NF1: variants seen among roughly 807,000 people sequenced by gnomAD.
NF1 encodes the protein neurofibromin 1.
Under a neutral mutation model 325.7 loss-of-function variants are expected in NF1, and 122 were observed. That is an observed-to-expected ratio of 0.37 (90% CI 0.32 to 0.44). The LOEUF is 0.44. Ranked by LOEUF, NF1 falls within the 20% of genes least tolerant of loss-of-function variation. The pLI, the probability that NF1 is intolerant of heterozygous loss-of-function variation, is 1.00. For missense variants in NF1, 2,140 were observed against 3,415.4 expected (o/e 0.63, Z 9.31); for synonymous variants, 1,091 against 1,186.0 (o/e 0.92, Z 1.65).
chr17:31,173,813 C>T (rs943883233), intron 5 of NF1, among the ~76,000 whole-genome samples: 4 of 152,116 alleles, frequency 2.6e-5, no homozygotes, highest in African/African-American at 9.7e-5. Context: ...CAACAAGAAA[C>T]TTGTAGAACT....
chr17:31,306,554 CA>C (rs1218993906), intron 36 of NF1, among the ~76,000 whole-genome samples: 3 of 152,152 alleles, frequency 2.0e-5, no homozygotes, highest in Non-Finnish European at 4.4e-5. Context: ...TTCTTAGGCA[CA>C]GAGTCTATTA....
Position 31,114,727 on chromosome 17 carries a change from G to A in NF1, c.60+19358G>A, listed in dbSNP as rs189071978. Among the ~76,000 whole-genome samples, 271 of 150,846 alleles carry A rather than the reference G, an allele frequency of 1.8e-3. 1 individual carries two copies. Among genetic ancestry groups the A allele is most frequent in the African/African-American group, 6.2e-3 (253 of 41,058 alleles). ...ATATTAGCTGGGCGTGGTGGCAGGCGCCTGTAATCCCAGCTACTTGGGAGG... is the reference window on the plus strand; with the variant it reads ...ATATTAGCTGGGCGTGGTGGCAGGCACCTGTAATCCCAGCTACTTGGGAGG... On this transcript the variant is annotated intron_variant, in intron 1 of 57. Coordinates refer to ENST00000358273, the MANE Select transcript of NF1 (RefSeq NM_001042492.3).
At chr17:31,131,163 A>T (rs1915356230) in intron 1 of NF1, among the ~76,000 whole-genome samples, 1 of 152,062 alleles carries the variant, frequency 6.6e-6, no homozygotes, top group South Asian at 2.1e-4. Flanking sequence ...GGGGATGGGC[A>T]CTCCTGGCCC....
In NF1 at chr17:31,235,964, G is replaced by A. The variant is rs1306237220; in HGVS notation, c.3917G>A (p.Arg1306Gln). 4 of 1,613,804 alleles carry A rather than the reference G, an allele frequency of 2.5e-6. No homozygotes were observed. Among genetic ancestry groups the A allele is most frequent in the Non-Finnish European group, 3.4e-6 (4 of 1,179,950 alleles). ...YLQKLLDPLL[R>Q]IVITSSDWQH... ...CAAAAACTCCTGGATCCTTTATTAC[G>A]AATTGTGATCACATCCTCTGATTGG... is the stretch of plus-strand genomic sequence containing the variant. The change falls in exon 29 of 58, where the codon CGA (arginine) becomes CAA (glutamine). Residue 1306 changes from arginine (R) to glutamine (Q), a missense_variant. Transcript: ENST00000358273.
At chr17:31,355,309 G>A (rs2151580109) in intron 51 of NF1, among the ~76,000 whole-genome samples, 1 of 152,190 alleles carries the variant, frequency 6.6e-6, no homozygotes, top group African/African-American at 2.4e-5. Context: ...TTTCCATCTG[G>A]TCATTGTCTA....
Position 31,358,564 on chromosome 17 carries a change from G to A in NF1, c.8055G>A (p.Val2685=), listed in dbSNP as rs1245392693. The A allele has an allele frequency of 6.2e-7, 1 of 1,613,864 alleles. No homozygotes were observed. The highest frequency in any genetic ancestry group is 8.5e-7 in the Non-Finnish European group (1 of 1,179,888). The change falls in exon 55 of 58, where the codon GTG becomes GTA. Residue 2685 remains valine, a synonymous_variant. Coordinates refer to ENST00000358273, the MANE Select transcript of NF1 (RefSeq NM_001042492.3). Reference sequence around the variant, plus strand: ...TGTTAAATCCAATCCATGGAATTGTGCAGAGTGTGGTGTACCATGAAGAAT... The same window carrying A: ...TGTTAAATCCAATCCATGGAATTGTACAGAGTGTGGTGTACCATGAAGAAT... ...PNLLNPIHGI[V]QSVVYHEESP... is the part of the protein sequence containing the mutation.
chr17:31,358,289 A>C (rs2070319822), intron 54 of NF1, 191 bp from the exon 55 acceptor site: 1 of 617,636 alleles, frequency 1.6e-6, no homozygotes. Context: ...AAAGACAAAC[A>C]AAAACAGACA....
Position 31,349,132 on chromosome 17 carries a change from C to A in NF1, c.7202C>A (p.Pro2401His). 1 of 1,597,580 alleles carries A rather than the reference C, an allele frequency of 6.3e-7. No homozygotes were observed. Among genetic ancestry groups the A allele is most frequent in the South Asian group, 1.1e-5 (1 of 88,816 alleles). ...VGHLLKGYRH[P>H]SPAIVARTVR... ...TTGTTTTTTGTAGGGTACAGGCATCCTTCACCTGCTATTGTTGCAAGAACA... is the reference window on the plus strand; with the variant it reads ...TTGTTTTTTGTAGGGTACAGGCATCATTCACCTGCTATTGTTGCAAGAACA... Residue 2401 changes from proline (P) to histidine (H), a missense_variant, in exon 49 of 58, where the codon CCT becomes CAT. Physicochemically the swap from Pro to His is moderately conservative, Grantham distance 77 (BLOSUM62 -2). Around this residue, in one of 10 missense-constraint regions of NF1, gnomAD observed 522 missense variants for 749.0 expected, o/e 0.70. Coordinates refer to ENST00000358273, the MANE Select transcript of NF1 (RefSeq NM_001042492.3).
chr17:31,322,094 T>C lies in NF1; in HGVS notation c.4836-3726T>C, dbSNP rs868528701. ...GCTTTCGTGTGGTGTAGTGTGTGTA[T>C]ACACACACACACACACACACACACA... is the stretch of plus-strand genomic sequence containing the variant. On this transcript the variant is annotated intron_variant, in intron 36 of 57. Coordinates refer to ENST00000358273, the MANE Select transcript of NF1 (RefSeq NM_001042492.3). Among the ~76,000 whole-genome samples, 1,280 of 147,406 alleles carry C rather than the reference T, an allele frequency of 8.7e-3. 6 individuals carry two copies. Among genetic ancestry groups the C allele is most frequent in the Middle Eastern group, 0.035 (10 of 288 alleles).
chr17:31,349,308 C>A, intron 49 of NF1, 57 bp downstream of exon 49: 2 of 1,563,632 alleles, frequency 1.3e-6, no homozygotes, highest in Non-Finnish European at 8.7e-7. Context: ...AAGGATCACC[C>A]AAAAAGTACA....
rs1002217382 is a variant in NF1 at position 31,274,683 on chromosome 17, T to A, written c.4835+9344T>A. On this transcript the variant is annotated intron_variant, in intron 36 of 57. Coordinates refer to ENST00000358273, the MANE Select transcript of NF1 (RefSeq NM_001042492.3). The stretch of plus-strand genomic sequence containing the variant: ...TACAGGAGTTTGTCATTGTCCTCTC[T>A]CTGCTCACTTGCTCATTCTGTGGAT... Among the ~76,000 whole-genome samples the A allele has an allele frequency of 3.3e-5, 5 of 152,154 alleles. No homozygotes were observed. In the South Asian group the frequency reaches 8.3e-4, roughly 25 times the overall value.
intron 1 of NF1, among the ~76,000 whole-genome samples, chr17:31,106,387 G>A (rs1912865541): frequency 6.6e-6 from 1 of 151,982 alleles, no homozygotes; most frequent in Admixed American, 6.6e-5. Context: ...TTATAATTTG[G>A]TGGTTATTAT....
rs559516789 is a variant in NF1 at position 31,324,152 on chromosome 17, C to T, written c.4836-1668C>T. 4.6e-5 allele frequency among the ~76,000 whole-genome samples: 7 copies of T among 152,204 alleles called. No individual in the cohort carries two copies. The South Asian group carries it at 6.2e-4, about 14-fold the overall frequency. On this transcript the variant is annotated intron_variant, in intron 36 of 57. Coordinates refer to ENST00000358273, the MANE Select transcript of NF1 (RefSeq NM_001042492.3). ...GCACAATCTCAGCTCACTGCAAACT[C>T]CCCTCCCAGGTTCAAGCAATTCTCC...
intron 36 of NF1, among the ~76,000 whole-genome samples, chr17:31,323,895 T>C (rs1015859981): frequency 1.3e-5 from 2 of 152,220 alleles, no homozygotes; most frequent in African/African-American, 4.8e-5. Context: ...TGATAAGTGA[T>C]TACTTTCTAC....
chr17:31,307,840 A>G, intron 36 of NF1: 1 of 1,232,976 alleles, frequency 8.1e-7, no homozygotes, highest in Non-Finnish European at 1.1e-6. Context: ...ATATTTAGAG[A>G]GATTTGATGT....
At chr17:31,373,170 A>G (rs2070677436) in intron 57 of NF1, among the ~76,000 whole-genome samples, 1 of 152,224 alleles carries the variant, frequency 6.6e-6, no homozygotes, top group Non-Finnish European at 1.5e-5. Context: ...TTTGTGATAT[A>G]TTATTTTCTC....
intron 1 of NF1, among the ~76,000 whole-genome samples, chr17:31,109,827 A>G (rs1231756721): frequency 1.3e-5 from 2 of 152,166 alleles, no homozygotes; most frequent in Admixed American, 1.3e-4. Flanking sequence ...TGTATTTTAA[A>G]AGCCTTTACA....
intron 35 of NF1, among the ~76,000 whole-genome samples, chr17:31,263,120 T>TAAGATA (rs1555619189): frequency 0.044 from 4,174 of 95,718 alleles, 193 homozygotes; most frequent in African/African-American, 0.11. Flanking sequence ...GATAGATAGA[T>TAAGATA]AGATAAGATA....
intron 29 of NF1, among the ~76,000 whole-genome samples, chr17:31,237,569 G>A (rs535741686): frequency 5.2e-4 from 79 of 151,902 alleles, no homozygotes; most frequent in African/African-American, 8.9e-4. Context: ...GAGCCACCAC[G>A]CCTGGCCAAA....
Sources: gnomAD v4.1 joint callset for allele counts (sites outside exome capture counted in the v4.1 genomes callset) on GRCh38, gnomAD v4.1.1 for gene constraint, gnomAD v4.1.1 regional missense constraint, MANE v1.5 for transcripts, NCBI Gene and HGNC (gene_info 2026-07-23, HGNC 2026-07-21) for gene names.